VIRMA: variants seen among roughly 807,000 people sequenced by gnomAD.
The protein encoded by VIRMA is vir like m6A methyltransferase associated, also known as protein virilizer homolog.
VIRMA carries 65 observed loss-of-function variants against 182.4 expected under a neutral mutation model. The ratio of observed to expected loss-of-function variants is 0.36; its 90% CI spans 0.29 to 0.44. The LOEUF (loss-of-function observed/expected upper bound fraction) is 0.44. VIRMA is among the 20% of genes least tolerant of loss of function. The probability of loss-of-function intolerance (pLI) is 1.00; values close to 1 mark genes in which losing one functional copy is unlikely to be tolerated. For missense variants in VIRMA, 1,752 were observed against 2,158.1 expected, an observed-to-expected ratio of 0.81 and a Z score of 3.73; for synonymous variants, 709 against 743.1, an observed-to-expected ratio of 0.95 and a Z score of 0.75.
chr8:94,500,392 T>C (rs1178599967), intron 16 of VIRMA, among the ~76,000 whole-genome samples: 3 of 151,910 alleles, frequency 2.0e-5, no homozygotes, highest in African/African-American at 4.8e-5. Context: ...CAAAGAGAAA[T>C]AGATTAAATT....
At chr8:94,531,546 T>A (rs1815175680) in intron 5 of VIRMA, among the ~76,000 whole-genome samples, 1 of 152,218 alleles carries the variant, frequency 6.6e-6, no homozygotes, top group African/African-American at 2.4e-5. Context: ...CTTGTCATCA[T>A]TTCAGACTTT....
At chr8:94,531,481 A>T (rs953415926) in intron 5 of VIRMA, among the ~76,000 whole-genome samples, 1 of 152,232 alleles carries the variant, frequency 6.6e-6, no homozygotes, top group African/African-American at 2.4e-5. Flanking sequence ...AATTTTGCTA[A>T]TTAATCTATA....
At chr8:94,515,730 A>C (rs1472107447) in intron 10 of VIRMA, among the ~76,000 whole-genome samples, 1 of 152,186 alleles carries the variant, frequency 6.6e-6, no homozygotes, top group African/African-American at 2.4e-5. Context: ...GGTTTATGCA[A>C]ATTTAGATGT....
intron 1 of VIRMA, among the ~76,000 whole-genome samples, 197 bp downstream of exon 1, chr8:94,553,188 G>C (rs1586123568): frequency 6.6e-6 from 1 of 152,134 alleles, no homozygotes. Context: ...GAGGGCCCAA[G>C]TTAAAGCAAG....
In VIRMA at chr8:94,511,536, A is replaced by G. The variant is rs760673350; in HGVS notation, c.3039T>C (p.Leu1013=). The change falls in exon 13 of 24, where the codon CTT becomes CTC. Residue 1013 remains leucine, a synonymous_variant. Coordinates refer to ENST00000297591, the MANE Select transcript of VIRMA (RefSeq NM_015496.5). The stretch of plus-strand genomic sequence containing the variant: ...TCAGGAGTTCCGTTAACATAGTTTT[A>G]AGAAGAGTGAGTGTGCAGCGAGCCA... ...ISMARCTLTL[L]KTMLTELLRG... 4.3e-6 allele frequency: 7 copies of G among 1,614,028 alleles called. No individual in the cohort carries two copies. In the African/African-American group the frequency reaches 9.3e-5, roughly 22 times the overall value.
chr8:94,553,452 G>T lies in VIRMA; in HGVS notation c.-5C>A, dbSNP rs746263803. 4 of 1,614,092 alleles carry T rather than the reference G, an allele frequency of 2.5e-6. No individual in the cohort carries two copies. Among genetic ancestry groups the T allele is most frequent in the Non-Finnish European group, 3.4e-6 (4 of 1,179,926 alleles). On this transcript the variant is annotated 5_prime_UTR_variant, in exon 1 of 24. Transcript: ENST00000297591. ...CATCGCCGAGTCCACCGCCATGTTTGCCGCGGGCGGGGAACAGGGGGGAGG... is the reference window on the plus strand; with the variant it reads ...CATCGCCGAGTCCACCGCCATGTTTTCCGCGGGCGGGGAACAGGGGGGAGG...
chr8:94,493,406 G>A (rs1246298012), intron 20 of VIRMA, among the ~76,000 whole-genome samples: 3 of 152,186 alleles, frequency 2.0e-5, no homozygotes, highest in Admixed American at 1.3e-4. Context: ...TAAAAAATTA[G>A]TAACTTTTAA....
At chr8:94,532,668 A>T (rs1815209830) in intron 5 of VIRMA, among the ~76,000 whole-genome samples, 1 of 152,148 alleles carries the variant, frequency 6.6e-6, no homozygotes, top group Non-Finnish European at 1.5e-5. Context: ...AATTATCTCA[A>T]AGTAAAAAGT....
chr8:94,549,906 G>C (rs565537018), intron 1 of VIRMA, among the ~76,000 whole-genome samples: 8 of 152,010 alleles, frequency 5.3e-5, no homozygotes, highest in Non-Finnish European at 1.2e-4. Flanking sequence ...GACCAGCCTG[G>C]GAAACATGGC....
intron 11 of VIRMA, among the ~76,000 whole-genome samples, chr8:94,513,062 G>T (rs1316917972): frequency 6.6e-6 from 1 of 152,220 alleles, no homozygotes; most frequent in Non-Finnish European, 1.5e-5. Flanking sequence ...TTGGGGCTGG[G>T]TGTGGTGGCT....
intron 4 of VIRMA, 72 bp downstream of exon 4, chr8:94,537,031 G>A: frequency 1.0e-6 from 1 of 979,488 alleles, no homozygotes; most frequent in Non-Finnish European, 1.6e-6. Context: ...ACTGATTTAT[G>A]TGGATCAAAA....
intron 15 of VIRMA, among the ~76,000 whole-genome samples, chr8:94,507,610 C>A (rs1016032086): frequency 6.6e-6 from 1 of 151,796 alleles, no homozygotes; most frequent in African/African-American, 2.4e-5. Context: ...CAAAAATTAG[C>A]CAAGCATGGT....
intron 2 of VIRMA, among the ~76,000 whole-genome samples, chr8:94,538,911 T>C (rs901980100): frequency 6.6e-5 from 10 of 151,948 alleles, no homozygotes; most frequent in Non-Finnish European, 1.5e-4. Context: ...TGGCCTCCCC[T>C]TCTTTTTAGA....
At chr8:94,532,359 G>T (rs899434155) in intron 5 of VIRMA, among the ~76,000 whole-genome samples, 1 of 152,150 alleles carries the variant, frequency 6.6e-6, no homozygotes, top group Non-Finnish European at 1.5e-5. Context: ...TGCCCGCCTC[G>T]GCCTCCCAAA....
chr8:94,522,400 G>A (rs1814805786), intron 8 of VIRMA, among the ~76,000 whole-genome samples: 1 of 152,082 alleles, frequency 6.6e-6, no homozygotes. Context: ...CCTTTGCTGA[G>A]TATTATATGC....
chr8:94,512,734 G>T (rs1484704192), intron 11 of VIRMA, among the ~76,000 whole-genome samples: 1 of 152,144 alleles, frequency 6.6e-6, no homozygotes, highest in Non-Finnish European at 1.5e-5. Flanking sequence ...CTGTGATTGT[G>T]CCATTGCACT....
chr8:94,537,094 C>A lies in VIRMA; in HGVS notation c.315+9G>T. Reference sequence around the variant, plus strand: ...TAATGACAAGCTGAAAACTGACTTCCAGAATTACCTTTGAGTTAGGTCTAA... The same window carrying A: ...TAATGACAAGCTGAAAACTGACTTCAAGAATTACCTTTGAGTTAGGTCTAA... On this transcript the variant is annotated intron_variant, in intron 4 of 23. Transcript: ENST00000297591. 1 of 1,585,434 alleles carries A rather than the reference C, an allele frequency of 6.3e-7. No homozygotes were observed. Among genetic ancestry groups the A allele is most frequent in the Non-Finnish European group, 8.7e-7 (1 of 1,154,190 alleles).
At chr8:94,527,713 G>A (rs542087596) in intron 7 of VIRMA, among the ~76,000 whole-genome samples, 1 of 152,058 alleles carries the variant, frequency 6.6e-6, no homozygotes, top group African/African-American at 2.4e-5. Flanking sequence ...ATCTCAGGAG[G>A]AAAGAAATTA....
In VIRMA at chr8:94,519,204, G is replaced by T; in HGVS notation, c.2294C>A (p.Thr765Lys). 1 of 1,614,140 alleles carries T rather than the reference G, an allele frequency of 6.2e-7. No homozygotes were observed. Among genetic ancestry groups the T allele is most frequent in the Non-Finnish European group, 8.5e-7 (1 of 1,180,004 alleles). The change falls in exon 9 of 24, where the codon ACA becomes AAA. Residue 765 changes from threonine to lysine, a missense_variant. Around this residue, in one of 11 missense-constraint regions of VIRMA, gnomAD observed 45 missense variants for 91.0 expected, o/e 0.49. Transcript: ENST00000297591. ...DAFALWLQDS[T>K]QTLQCITELF... ...TTCTGTAATACATTGCAATGTCTGT[G>T]TTGAGTCCTGTAGCCACAAGGCAAA...
Sources: gnomAD v4.1 joint callset for allele counts (sites outside exome capture counted in the v4.1 genomes callset) on GRCh38, gnomAD v4.1.1 for gene constraint, gnomAD v4.1.1 regional missense constraint, MANE v1.5 for transcripts, NCBI Gene and HGNC (gene_info 2026-07-23, HGNC 2026-07-21) for gene names.